The following PYGB variants were observed in gnomAD, a reference collection of about 807,000 sequenced individuals.
PYGB encodes the protein glycogen phosphorylase B, also known as glycogen phosphorylase, brain form.
PYGB carries 82 observed loss-of-function variants against 94.3 expected under a neutral mutation model. That is an observed-to-expected ratio of 0.87 (90% CI 0.73 to 1.04). The LOEUF (loss-of-function observed/expected upper bound fraction) is 1.04. PYGB is among the 50% of genes least tolerant of loss of function. The pLI, the probability that PYGB is intolerant of heterozygous loss-of-function variation, is 0.00. For synonymous variants in PYGB, 488 were observed against 479.1 expected, an observed-to-expected ratio of 1.02 and a Z score of -0.24; for missense variants, 1,132 against 1,158.2, an observed-to-expected ratio of 0.98 and a Z score of 0.33.
At chr20:25,286,240 C>T (rs965707346) in intron 14 of PYGB, among the ~76,000 whole-genome samples, 1 of 152,214 alleles carries the variant, frequency 6.6e-6, no homozygotes, top group Non-Finnish European at 1.5e-5. Flanking sequence ...TGGTTTTCTG[C>T]TTCTGGGCTG....
At chr20:25,294,986 G>A (rs780446449) in intron 18 of PYGB, 5 of 1,614,068 alleles carry the variant, frequency 3.1e-6, no homozygotes, top group East Asian at 2.2e-5. Flanking sequence ...CACCAGCTCT[G>A]ACCACATGCT....
At chr20:25,252,166 G>A (rs186781446) in intron 1 of PYGB, among the ~76,000 whole-genome samples, 1 of 152,212 alleles carries the variant, frequency 6.6e-6, no homozygotes, top group Admixed American at 6.5e-5. Flanking sequence ...CTGATGGTGG[G>A]TGCTGTTTTG....
At position 25,297,078 on chromosome 20, in the gene PYGB, CCCTCTGT is replaced by C. The variant is rs1157022016; in HGVS notation, c.*560_*566del. The stretch of plus-strand genomic sequence containing the variant: ...CGCCTTCACAGCCCCCTGCCCCCTG[CCCTCTGT>C]CCTGGCTCTGCACCTGGTATATGGG... On this transcript the variant is annotated 3_prime_UTR_variant, in exon 20 of 20. Transcript: ENST00000216962. The C allele has an allele frequency of 1.9e-5, 3 of 159,682 alleles. No individual in the cohort carries two copies. Among genetic ancestry groups the C allele is most frequent in the African/African-American group, 4.8e-5 (2 of 41,606 alleles). 9.9% of individuals were successfully genotyped at this position (159,682 alleles called of 1,614,324 possible).
Position 25,278,468 on chromosome 20 carries a change from T to A in PYGB, c.999+6T>A. 6.2e-7 allele frequency: 1 copy of A among 1,613,940 alleles called. No homozygotes were observed. Among genetic ancestry groups the A allele is most frequent in the South Asian group, 1.1e-5 (1 of 91,070 alleles). ...TCGAGACGTTCCCAGACAAGGTGCA[T>A]GGTGGCCCTGGGAGGGATCTCAGTG... On this transcript the variant is annotated splice_donor_region_variant and intron_variant, in intron 8 of 19. Transcript: ENST00000216962.
intron 4 of PYGB, among the ~76,000 whole-genome samples, chr20:25,273,951 G>A (rs958831674): frequency 3.3e-5 from 5 of 152,208 alleles, no homozygotes; most frequent in South Asian, 2.1e-4. Flanking sequence ...GGGCTGAAGC[G>A]ATCCTCCCAC....
At chr20:25,251,759 C>T (rs1388430297) in intron 1 of PYGB, among the ~76,000 whole-genome samples, 1 of 152,216 alleles carries the variant, frequency 6.6e-6, no homozygotes, top group Non-Finnish European at 1.5e-5. Context: ...AGCACCCCTG[C>T]AGTGGATGTA....
chr20:25,250,404 A>G (rs1600717850), intron 1 of PYGB, among the ~76,000 whole-genome samples: 1 of 152,146 alleles, frequency 6.6e-6, no homozygotes, highest in Non-Finnish European at 1.5e-5. Flanking sequence ...TTGATTGTCT[A>G]CGTGTGGTGG....
intron 5 of PYGB, among the ~76,000 whole-genome samples, chr20:25,275,193 G>A (rs557729794): frequency 2.0e-3 from 306 of 152,406 alleles, no homozygotes; most frequent in Non-Finnish European, 3.4e-3. Flanking sequence ...AGCGTCAACT[G>A]TCAGAGCCCC....
At position 25,271,470 on chromosome 20, in the gene PYGB, T is replaced by C. The variant is rs750829480; in HGVS notation, c.512T>C (p.Ile171Thr). Residue 171 changes from isoleucine (I) to threonine (T), a missense_variant, in exon 4 of 20, where the codon ATT (isoleucine) becomes ACT (threonine). Physicochemically the swap from Ile to Thr is moderately conservative, Grantham distance 89 (BLOSUM62 -1). Transcript: ENST00000216962. ...RYEFGIFNQK[I>T]VNGWQVEEAD... ...GAATTTGGGATTTTTAACCAGAAGA[T>C]TGTCAATGGCTGGCAGGTGGGTGAG... 1.9e-6 allele frequency: 3 copies of C among 1,613,600 alleles called. No individual in the cohort carries two copies. The highest frequency in any genetic ancestry group is 2.5e-6 in the Non-Finnish European group (3 of 1,179,490).
chr20:25,292,265 T>TGGGAGCAGGGAGG, intron 16 of PYGB, 141 bp from the exon 17 acceptor site: 2 of 958,386 alleles, frequency 2.1e-6, no homozygotes, highest in East Asian at 2.6e-5. Context: ...GGAGCGGGAG[T>TGGGAGCAGGGAGG]GGGGGCTGGA....
intron 7 of PYGB, 39 bp from the exon 8 acceptor site, chr20:25,278,280 G>GCCCTGGGACTGGATCATGGGGCATGTGCC: frequency 1.3e-6 from 2 of 1,566,738 alleles, no homozygotes; most frequent in Non-Finnish European, 1.7e-6. Context: ...GAGGAGAATG[G>GCCCTGGGACTGGATCATGGGGCATGTGCC]CCCAGCCTGC....
Position 25,292,441 on chromosome 20 carries a change from A to C in PYGB, c.2005A>C (p.Thr669Pro), listed in dbSNP as rs748127631. The C allele has an allele frequency of 3.1e-6, 5 of 1,613,438 alleles. No homozygotes were observed. The highest frequency in any genetic ancestry group is 3.4e-6 in the Non-Finnish European group (4 of 1,180,000). The change falls in exon 17 of 20, where the codon ACT (threonine) becomes CCT (proline). Residue 669 changes from threonine to proline, a missense_variant. Coordinates refer to ENST00000216962, the MANE Select transcript of PYGB (RefSeq NM_002862.4). ...CGCTGATCTGTCGCAGCAGATCTCC[A>C]CTGCAGGCACCGAGGCCTCAGGCAC... ...PAADLSQQIS[T>P]AGTEASGTGN...
At chr20:25,259,148 G>T in intron 1 of PYGB, 89 bp from the exon 2 acceptor site, 2 of 1,166,440 alleles carry the variant, frequency 1.7e-6, no homozygotes, top group Non-Finnish European at 2.5e-6. Context: ...CCCGAGTGGG[G>T]GCTTGGCTTC....
At chr20:25,283,607 C>CAAAT (rs2088389366) in intron 13 of PYGB, among the ~76,000 whole-genome samples, 1 of 152,246 alleles carries the variant, frequency 6.6e-6, no homozygotes, top group Non-Finnish European at 1.5e-5. Context: ...CAGCGTGGTA[C>CAAAT]CCTCTTTGCC....
rs2145909381 is a variant in PYGB, at chr20:25,297,856, G to C, written c.*1334G>C. The C allele has an allele frequency of 6.6e-6, 1 of 152,450 alleles. No individual in the cohort carries two copies. The highest frequency in any genetic ancestry group is 1.9e-4 in the East Asian group (1 of 5,184). 9.4% of individuals were successfully genotyped at this position (152,450 alleles called of 1,614,324 possible). A position where few individuals can be genotyped will look rare whatever the true frequency, so the allele number is the denominator to read the frequency against. On this transcript the variant is annotated 3_prime_UTR_variant, in exon 20 of 20. Transcript: ENST00000216962. The stretch of plus-strand genomic sequence containing the variant: ...GGGGCAAGTGCTGGGCTGTGGTCGT[G>C]CCCTGACAGCATCTTCCCCAGGCAG...
In PYGB at chr20:25,248,211, G is replaced by C; in HGVS notation, c.33G>C (p.Arg11=). 1.3e-6 allele frequency: 2 copies of C among 1,593,424 alleles called. No homozygotes were observed. Among genetic ancestry groups the C allele is most frequent in the South Asian group, 2.3e-5 (2 of 88,610 alleles). The change falls in exon 1 of 20, where the codon CGG becomes CGC. Residue 11 remains arginine, a synonymous_variant. Coordinates refer to ENST00000216962, the MANE Select transcript of PYGB (RefSeq NM_002862.4). MAKPLTDSEK[R]KQISVRGLAG... is the part of the protein sequence containing the mutation. ...AGCCGCTGACGGACAGCGAGAAGCGGAAGCAGATCAGCGTGCGCGGCCTGG... is the reference window on the plus strand; with the variant it reads ...AGCCGCTGACGGACAGCGAGAAGCGCAAGCAGATCAGCGTGCGCGGCCTGG...
chr20:25,248,686 T>TGAGCCCGGGAGCCTCGCGGAC (rs2092878494), intron 1 of PYGB, among the ~76,000 whole-genome samples: 1 of 152,028 alleles, frequency 6.6e-6, no homozygotes, highest in African/African-American at 2.4e-5. Context: ...CAGATGATGC[T>TGAGCCCGGGAGCCTCGCGGAC]GAGCCCGGGA....
At chr20:25,271,598 G>C (rs887252615) in intron 4 of PYGB, 112 bp downstream of exon 4, 18 of 1,147,320 alleles carry the variant, frequency 1.6e-5, no homozygotes, top group Non-Finnish European at 2.3e-5. Context: ...GGGGACTGCA[G>C]GCCGGCCAGG....
intron 18 of PYGB, chr20:25,294,625 G>C (rs1028343743): frequency 3.3e-5 from 18 of 549,792 alleles, no homozygotes; most frequent in Non-Finnish European, 5.2e-5. Context: ...CCAGTAGAGG[G>C]AGCATGGGCC....
Sources: gnomAD v4.1 joint callset for allele counts (sites outside exome capture counted in the v4.1 genomes callset) on GRCh38, gnomAD v4.1.1 for gene constraint, MANE v1.5 for transcripts, NCBI Gene and HGNC (gene_info 2026-07-23, HGNC 2026-07-21) for gene names.